Variants in TIAM2 observed in about 807,000 individuals in gnomAD.
TIAM2 encodes the protein TIAM Rac1 associated GEF 2.
Under a neutral mutation model 152.9 loss-of-function variants are expected in TIAM2, and 80 were observed. The ratio of observed to expected loss-of-function variants is 0.52; its 90% CI spans 0.44 to 0.63. The LOEUF is 0.63. TIAM2 is among the 30% of genes least tolerant of loss of function. The pLI, the probability that TIAM2 is intolerant of heterozygous loss-of-function variation, is 0.00. For synonymous variants in TIAM2, 804 were observed against 838.0 expected, an observed-to-expected ratio of 0.96 and a Z score of 0.70; for missense variants, 1,965 against 2,120.1, an observed-to-expected ratio of 0.93 and a Z score of 1.44.
chr6:155,183,826 C>A (rs6905473), intron 14 of TIAM2, among the ~76,000 whole-genome samples: 66,339 of 151,920 alleles, frequency 0.44, 14,861 homozygotes, highest in South Asian at 0.54. Context: ...TGCATAAATG[C>A]CAAAGTGGAA....
intron 14 of TIAM2, among the ~76,000 whole-genome samples, chr6:155,185,364 C>T (rs987460712): frequency 6.6e-6 from 1 of 151,750 alleles, no homozygotes; most frequent in Non-Finnish European, 1.5e-5. Flanking sequence ...TGACCTCAAG[C>T]GATCCACCCT....
intron 1 of TIAM2, among the ~76,000 whole-genome samples, chr6:155,051,195 C>T (rs1777308395): frequency 6.6e-6 from 1 of 152,088 alleles, no homozygotes; most frequent in African/African-American, 2.4e-5. Context: ...GAAACGGAAG[C>T]ACTTGGTCTC....
At chr6:155,128,829 G>A (rs1338720670) in intron 3 of TIAM2, among the ~76,000 whole-genome samples, 3 of 152,034 alleles carry the variant, frequency 2.0e-5, no homozygotes, top group East Asian at 1.9e-4. Flanking sequence ...CTGCGGCACT[G>A]CACTCCAGCC....
rs1411920040 is a variant in TIAM2 at position 155,129,670 on chromosome 6, C to T, written c.447C>T (p.Ser149=). The T allele has an allele frequency of 6.2e-7, 1 of 1,613,998 alleles. No individual in the cohort carries two copies. The highest frequency in any genetic ancestry group is 1.7e-5 in the Admixed American group (1 of 60,010). Residue 149 remains serine (S), a synonymous_variant, in exon 4 of 27, where the codon TCC becomes TCT. Coordinates refer to ENST00000682666, the MANE Select transcript of TIAM2 (RefSeq NM_012454.4). This position sits in a 1 kb window ranked among gnomAD's most constrained non-coding sequence, Gnocchi z 4.8. The part of the protein sequence containing the change: ...NCYGRNESIA[S]TPPGEDRKSP... ...ACGGGAGGAATGAGAGCATTGCCTC[C>T]ACCCCACCGGGCGAAGACCGCAAGA...
chr6:155,054,145 C>A (rs1318370045), intron 1 of TIAM2, among the ~76,000 whole-genome samples: 1 of 152,172 alleles, frequency 6.6e-6, no homozygotes, highest in Non-Finnish European at 1.5e-5. Context: ...TGCACTGCAG[C>A]CTTGGGTGAC....
chr6:155,133,071 A>G (rs1335846906), intron 4 of TIAM2, among the ~76,000 whole-genome samples: 1 of 152,158 alleles, frequency 6.6e-6, no homozygotes, highest in East Asian at 1.9e-4. Context: ...CAAACCGGTT[A>G]GGGCCGGGTG....
intron 1 of TIAM2, among the ~76,000 whole-genome samples, chr6:155,007,040 G>T (rs1175128620): frequency 6.6e-6 from 1 of 152,184 alleles, no homozygotes; most frequent in African/African-American, 2.4e-5. Flanking sequence ...TGCTCAGGCT[G>T]GTCTACTAGG....
intron 2 of TIAM2, among the ~76,000 whole-genome samples, chr6:155,111,784 T>C (rs1778857544): frequency 6.6e-6 from 1 of 152,188 alleles, no homozygotes; most frequent in Admixed American, 6.5e-5. Flanking sequence ...GATACACACA[T>C]AGACAATAAA....
intron 1 of TIAM2, among the ~76,000 whole-genome samples, chr6:155,026,114 C>A (rs1274831508): frequency 6.6e-6 from 1 of 152,126 alleles, no homozygotes; most frequent in Admixed American, 6.6e-5. Context: ...TAAAACAGCT[C>A]AAATCCAGGC....
intron 1 of TIAM2, among the ~76,000 whole-genome samples, chr6:155,029,667 C>CTA (rs944511730): frequency 8.9e-6 from 1 of 112,578 alleles, no homozygotes; most frequent in African/African-American, 3.3e-5. Flanking sequence ...AGTTATATAA[C>CTA]TATATACAGA....
At chr6:155,029,513 C>CTATATAGTATATATAATATAG (rs1776769495) in intron 1 of TIAM2, among the ~76,000 whole-genome samples, 1 of 22,080 alleles carries the variant, frequency 4.5e-5, no homozygotes, top group African/African-American at 1.6e-4. Context: ...ATAATATATA[C>CTATATAGTATATATAATATAG]TATATATTAT....
chr6:155,130,057 T>C lies in TIAM2; in HGVS notation c.834T>C (p.His278=). 6.2e-7 allele frequency: 1 copy of C among 1,614,092 alleles called. No homozygotes were observed. Among genetic ancestry groups the C allele is most frequent in the Non-Finnish European group, 8.5e-7 (1 of 1,180,032 alleles). The part of the protein sequence containing the change: ...LAPGMPDPSL[H]ASFPPGDAKK... ...CCGGCATGCCTGACCCCAGTCTCCATGCCAGCTTCCCACCTGGCGATGCCA... is the reference window on the plus strand; with the variant it reads ...CCGGCATGCCTGACCCCAGTCTCCACGCCAGCTTCCCACCTGGCGATGCCA... The change falls in exon 4 of 27, where the codon CAT becomes CAC. Residue 278 remains histidine (H), a synonymous_variant. Transcript: ENST00000682666.
chr6:155,158,199 TGG>T (rs1780172114), intron 7 of TIAM2, among the ~76,000 whole-genome samples: 1 of 152,184 alleles, frequency 6.6e-6, no homozygotes, highest in South Asian at 2.1e-4. Flanking sequence ...CTAGGACTGC[TGG>T]GTGTGGCAGG....
intron 1 of TIAM2, among the ~76,000 whole-genome samples, chr6:155,008,611 C>A (rs1218774449): frequency 6.6e-6 from 1 of 151,610 alleles, no homozygotes; most frequent in Non-Finnish European, 1.5e-5. Flanking sequence ...TTTTTTTTAA[C>A]CTGCTCCTTG....
chr6:155,176,153 C>G (rs1009920459), intron 9 of TIAM2, among the ~76,000 whole-genome samples: 2 of 152,182 alleles, frequency 1.3e-5, no homozygotes, highest in Non-Finnish European at 2.9e-5. Context: ...GGCTGAGATG[C>G]AGGCTTCACA....
chr6:155,021,386 C>T (rs944671624), intron 1 of TIAM2, among the ~76,000 whole-genome samples: 1 of 152,038 alleles, frequency 6.6e-6, no homozygotes, highest in Non-Finnish European at 1.5e-5. Flanking sequence ...CTCAGCCTCC[C>T]GAGTAGCTGG....
intron 1 of TIAM2, among the ~76,000 whole-genome samples, chr6:155,048,447 A>G (rs2114919672): frequency 6.6e-6 from 1 of 152,240 alleles, no homozygotes; most frequent in African/African-American, 2.4e-5. Context: ...TTGTAACAAG[A>G]TATTATTTGG....
rs1779583355 is a variant in TIAM2 at position 155,137,495 on chromosome 6, G to A, written c.1513G>A (p.Gly505Arg). ...QLDLLFEKEQ[G>R]VVRKAGWLFF... is the part of the protein sequence containing the mutation. Reference sequence around the variant, plus strand: ...GGATCTGCTCTTTGAGAAGGAACAGGGGGTGGTCCGGAAGGCCGGGTGGCT... The same window carrying A: ...GGATCTGCTCTTTGAGAAGGAACAGAGGGTGGTCCGGAAGGCCGGGTGGCT... Residue 505 changes from glycine to arginine, a missense_variant, in exon 5 of 27, where the codon GGG (glycine) becomes AGG (arginine). This residue lies in a region of TIAM2 where 1,025 missense variants were observed against 1,119.4 expected (regional missense o/e 0.92). Coordinates refer to ENST00000682666, the MANE Select transcript of TIAM2 (RefSeq NM_012454.4). The A allele has an allele frequency of 6.2e-7, 1 of 1,614,208 alleles. No individual in the cohort carries two copies. The highest frequency in any genetic ancestry group is 8.5e-7 in the Non-Finnish European group (1 of 1,180,034).
At chr6:155,222,640 A>C (rs1459527382) in intron 15 of TIAM2, among the ~76,000 whole-genome samples, 52 of 150,576 alleles carry the variant, frequency 3.5e-4, no homozygotes, top group African/African-American at 5.1e-4. Context: ...CACAAAAAAA[A>C]CCATGGGTTT....
Sources: gnomAD v4.1 joint callset for allele counts (sites outside exome capture counted in the v4.1 genomes callset) on GRCh38, gnomAD v4.1.1 for gene constraint, gnomAD v4.1.1 regional missense constraint, Gnocchi (gnomAD v3.1) non-coding constraint, MANE v1.5 for transcripts, NCBI Gene and HGNC (gene_info 2026-07-23, HGNC 2026-07-21) for gene names.